EYS: variants seen among roughly 807,000 people sequenced by gnomAD.
The protein encoded by EYS is protein eyes shut homolog.
Under a neutral mutation model 282.1 loss-of-function variants are expected in EYS, and 250 were observed. The observed-to-expected ratio is 0.89, with a 90% CI of 0.80 to 0.98. The LOEUF (loss-of-function observed/expected upper bound fraction) is 0.98. Ranked by LOEUF, EYS falls within the 50% of genes least tolerant of loss-of-function variation. The probability of loss-of-function intolerance (pLI) is 0.00; values close to 1 mark genes in which losing one functional copy is unlikely to be tolerated. For synonymous variants in EYS, 1,355 were observed against 1,282.9 expected, an observed-to-expected ratio of 1.06 and a Z score of -1.20; for missense variants, 4,016 against 3,709.0, an observed-to-expected ratio of 1.08 and a Z score of -2.15.
At chr6:65,118,442 G>A (rs1307886134) in intron 12 of EYS, among the ~76,000 whole-genome samples, 5 of 152,168 alleles carry the variant, frequency 3.3e-5, no homozygotes, top group Non-Finnish European at 7.3e-5. Flanking sequence ...TCTTGTTAAT[G>A]AGACAAGAAA....
At chr6:65,535,588 A>G (rs1370444497) in intron 2 of EYS, among the ~76,000 whole-genome samples, 1 of 152,178 alleles carries the variant, frequency 6.6e-6, no homozygotes, top group Non-Finnish European at 1.5e-5. Context: ...TGTCTTTATT[A>G]GTAGCATGAG....
intron 31 of EYS, among the ~76,000 whole-genome samples, chr6:64,092,821 C>T (rs1200664262): frequency 6.6e-6 from 1 of 151,512 alleles, no homozygotes; most frequent in Non-Finnish European, 1.5e-5. Flanking sequence ...GACATGAAGT[C>T]CTTGCCCATG....
At chr6:64,979,665 T>C (rs754133009) in intron 14 of EYS, among the ~76,000 whole-genome samples, 42 of 151,514 alleles carry the variant, frequency 2.8e-4, no homozygotes, top group Non-Finnish European at 5.6e-4. Flanking sequence ...ATAAGGGGAA[T>C]AAGTAAAATA....
intron 12 of EYS, among the ~76,000 whole-genome samples, chr6:65,231,282 TTCTC>T (rs1454022782): frequency 4.7e-5 from 7 of 150,144 alleles, no homozygotes; most frequent in African/African-American, 7.3e-5. Context: ...TTTGGCTTAT[TTCTC>T]TGTGTATTAG....
chr6:63,941,858 A>G (rs1478748914), intron 35 of EYS, among the ~76,000 whole-genome samples: 1 of 152,244 alleles, frequency 6.6e-6, no homozygotes, highest in African/African-American at 2.4e-5. Flanking sequence ...GTGCAACAGG[A>G]AAGCCTGGAC....
intron 7 of EYS, among the ~76,000 whole-genome samples, chr6:65,392,882 T>C (rs1392941480): frequency 6.6e-6 from 1 of 152,106 alleles, no homozygotes; most frequent in South Asian, 2.1e-4. Context: ...CATATGTTTA[T>C]TGCGGCATTA....
chr6:65,165,916 A>T (rs1184907361), intron 12 of EYS, among the ~76,000 whole-genome samples: 1 of 151,114 alleles, frequency 6.6e-6, no homozygotes, highest in Non-Finnish European at 1.5e-5. Flanking sequence ...CATGAAAATC[A>T]ATAATATTTC....
At chr6:65,321,130 T>C (rs1414699441) in intron 11 of EYS, among the ~76,000 whole-genome samples, 2 of 150,316 alleles carry the variant, frequency 1.3e-5, no homozygotes, top group South Asian at 2.1e-4. Context: ...TTAAAACTAG[T>C]AGAGAGTATG....
chr6:63,899,071 A>G (rs1354887651), intron 35 of EYS, among the ~76,000 whole-genome samples: 2 of 152,236 alleles, frequency 1.3e-5, no homozygotes, highest in African/African-American at 4.8e-5. Flanking sequence ...AAAATGGAAA[A>G]AAAGAGAGTG....
intron 2 of EYS, among the ~76,000 whole-genome samples, chr6:65,606,208 AAT>A (rs148305825): frequency 0.07 from 10,592 of 151,658 alleles, 604 homozygotes; most frequent in East Asian, 0.16. Context: ...AGTATTCAAA[AAT>A]AGTTTTAAAA....
chr6:65,412,784 T>C (rs1244078070), intron 5 of EYS, among the ~76,000 whole-genome samples: 1 of 152,164 alleles, frequency 6.6e-6, no homozygotes, highest in Non-Finnish European at 1.5e-5. Context: ...CTTTTAATCT[T>C]CTTAACATGG....
intron 13 of EYS, among the ~76,000 whole-genome samples, chr6:65,002,914 T>C (rs1771512122): frequency 7.8e-6 from 1 of 128,998 alleles, no homozygotes; most frequent in South Asian, 2.5e-4. Context: ...AGTGATTTCC[T>C]ATGCCTGTCT....
intron 26 of EYS, among the ~76,000 whole-genome samples, chr6:64,475,222 A>G (rs1776223851): frequency 6.6e-6 from 1 of 152,134 alleles, no homozygotes; most frequent in Admixed American, 6.5e-5. Context: ...ATACTCCACA[A>G]ATAGGTTCTA....
chr6:64,192,493 A>G (rs2150317280), intron 31 of EYS, among the ~76,000 whole-genome samples: 1 of 152,234 alleles, frequency 6.6e-6, no homozygotes, highest in East Asian at 1.9e-4. Context: ...ATATAGATCA[A>G]TGGAATAGAA....
At chr6:64,458,973 G>C (rs1010886289) in intron 26 of EYS, among the ~76,000 whole-genome samples, 8 of 152,238 alleles carry the variant, frequency 5.3e-5, no homozygotes, top group Non-Finnish European at 7.4e-5. Context: ...TCATTTCTAA[G>C]ACATCCAGTG....
At position 65,160,635 on chromosome 6, in the gene EYS, A is replaced by G. The variant is rs1404466975; in HGVS notation, c.2024-102908T>C. ...CTCTGATGTTTATCCTTATATTTCAATATTTTCCAAGCTCTTTACTCAGCC... is the reference window on the plus strand; with the variant it reads ...CTCTGATGTTTATCCTTATATTTCAGTATTTTCCAAGCTCTTTACTCAGCC... On this transcript the variant is annotated intron_variant, in intron 12 of 42. Coordinates refer to ENST00000503581, the MANE Select transcript of EYS (RefSeq NM_001142800.2). 2.0e-5 allele frequency among the ~76,000 whole-genome samples: 3 copies of G among 150,756 alleles called. No homozygotes were observed. In the Admixed American group the frequency reaches 2.0e-4, roughly 10 times the overall value.
intron 30 of EYS, among the ~76,000 whole-genome samples, chr6:64,256,647 T>C (rs1304854280): frequency 6.6e-6 from 1 of 152,010 alleles, no homozygotes; most frequent in African/African-American, 2.4e-5. Context: ...GCAAAGTTAT[T>C]AAGGGGCCTG....
intron 36 of EYS, among the ~76,000 whole-genome samples, chr6:63,817,074 T>C (rs1487972692): frequency 6.6e-6 from 1 of 152,216 alleles, no homozygotes; most frequent in Non-Finnish European, 1.5e-5. Flanking sequence ...TAAATTTCAG[T>C]TACTAAACTC....
In EYS at chr6:64,230,716, G is replaced by A. The variant is rs1397754297; in HGVS notation, c.6300C>T (p.Pro2100=). ...GGCATACATCCTGCTGGCACACAGA[G>A]GGTGCTGCAACAGAGGGGCTGACAG... is the stretch of plus-strand genomic sequence containing the variant. ...WTSVSPSVAA[P]SVCQQDVCHN... Residue 2100 remains proline (P), a synonymous_variant, in exon 31 of 43, where the codon CCC becomes CCT. Transcript: ENST00000503581. 17 of 1,551,608 alleles carry A rather than the reference G, an allele frequency of 1.1e-5. No individual in the cohort carries two copies. The highest frequency in any genetic ancestry group is 2.4e-5 in the East Asian group (1 of 40,916).
Sources: gnomAD v4.1 joint callset for allele counts (sites outside exome capture counted in the v4.1 genomes callset) on GRCh38, gnomAD v4.1.1 for gene constraint, MANE v1.5 for transcripts, NCBI Gene and HGNC (gene_info 2026-07-23, HGNC 2026-07-21) for gene names.